The following TUBE1 variants were observed in gnomAD, a reference collection of about 807,000 sequenced individuals.
TUBE1 encodes tubulin epsilon 1.
In TUBE1, 34 loss-of-function variants were observed where a neutral mutation model predicts 53.5. The ratio of observed to expected loss-of-function variants is 0.64; its 90% CI spans 0.48 to 0.85. The LOEUF (loss-of-function observed/expected upper bound fraction) is 0.85, where lower values mean the gene tolerates loss of function less well. TUBE1 is among the 40% of genes least tolerant of loss of function. TUBE1 has a pLI of 0.00. For missense variants in TUBE1, 532 were observed against 570.5 expected (o/e 0.93, Z 0.69); for synonymous variants, 177 against 198.4 (o/e 0.89, Z 0.91).
chr6:112,072,326 T>C (rs1328177295), intron 10 of TUBE1, among the ~76,000 whole-genome samples: 1 of 152,146 alleles, frequency 6.6e-6, no homozygotes, highest in Non-Finnish European at 1.5e-5. Context: ...TAGAAACTCA[T>C]TCCTTAAGAG....
Position 112,079,694 on chromosome 6 carries a change from T to C in TUBE1, c.387A>G (p.Arg129=), listed in dbSNP as rs782143202. The C allele has an allele frequency of 1.7e-5, 27 of 1,612,272 alleles. No individual in the cohort carries two copies. Among genetic ancestry groups the C allele is most frequent in the African/African-American group, 8.0e-5 (6 of 74,772 alleles). Residue 129 remains arginine, a synonymous_variant, in exon 6 of 12, where the codon AGA becomes AGG. Coordinates refer to ENST00000368662, the MANE Select transcript of TUBE1 (RefSeq NM_016262.5). The part of the protein sequence containing the change: ...LYQDQILEKF[R]KSAEHCDCLQ... ...AGCAATCACAGTGCTCTGCCGACTT[T>C]CTGAATTTCTCTAAAATCTGGTCTT... is the stretch of plus-strand genomic sequence containing the variant.
chr6:112,072,112 C>A (rs1425568819), intron 10 of TUBE1, 36 bp from the exon 11 acceptor site: 3 of 1,511,462 alleles, frequency 2.0e-6, no homozygotes, highest in Non-Finnish European at 2.7e-6. Flanking sequence ...AAGGTGAGAA[C>A]TAAGGTACTA....
At position 112,076,475 on chromosome 6, in the gene TUBE1, C is replaced by T; in HGVS notation, c.483G>A (p.Lys161=). ...CTTCTGGGAATTCGTCTTCAAGCACCTTTAAAAGAAATGTGCCAAGTCCAG... is the reference window on the plus strand; with the variant it reads ...CTTCTGGGAATTCGTCTTCAAGCACTTTTAAAAGAAATGTGCCAAGTCCAG... ...TGSGLGTFLL[K]VLEDEFPEVY... Residue 161 remains lysine, a synonymous_variant, in exon 7 of 12, where the codon AAG becomes AAA. Transcript: ENST00000368662. 6.2e-7 allele frequency: 1 copy of T among 1,610,310 alleles called. No individual in the cohort carries two copies. Among genetic ancestry groups the T allele is most frequent in the Middle Eastern group, 1.7e-4 (1 of 6,016 alleles).
intron 1 of TUBE1, 39 bp from the exon 2 acceptor site, chr6:112,087,345 T>G (rs1777181906): frequency 6.4e-7 from 1 of 1,551,304 alleles, no homozygotes; most frequent in South Asian, 1.2e-5. Context: ...AATAGGACAT[T>G]AAGCAGGAAA....
intron 3 of TUBE1, among the ~76,000 whole-genome samples, chr6:112,084,882 T>C (rs1777123987): frequency 6.6e-6 from 1 of 152,212 alleles, no homozygotes; most frequent in South Asian, 2.1e-4. Context: ...GTTGCCAAAG[T>C]ACTAAAATCT....
In TUBE1 at chr6:112,071,883, A is replaced by C; in HGVS notation, c.1269+19T>G. ...AGCCAAAATAAACACATACAGTTAC[A>C]AAGCTGTACAATAATTACCTTTTTC... On this transcript the variant is annotated intron_variant, in intron 11 of 11. Transcript: ENST00000368662. 14 of 1,577,752 alleles carry C rather than the reference A, an allele frequency of 8.9e-6. No homozygotes were observed. The highest frequency in any genetic ancestry group is 1.2e-5 in the Non-Finnish European group (14 of 1,166,908).
rs797037415 is a variant in TUBE1 at position 112,081,814 on chromosome 6, G to GA, written c.211-608dup. ...ATTAATTATGGAAAAAAAAAAAACA[G>GA]AAAAAAAAAAAGATGAAGGACATCT... On this transcript the variant is annotated intron_variant, in intron 4 of 11. Coordinates refer to ENST00000368662, the MANE Select transcript of TUBE1 (RefSeq NM_016262.5). 6.3e-3 allele frequency among the ~76,000 whole-genome samples: 829 copies of GA among 132,228 alleles called. 6 individuals carry two copies. The highest frequency in any genetic ancestry group is 0.02 in the African/African-American group (723 of 36,150). The allele number at this position is 132,228 out of a possible 152,430, so 86.7% of individuals were successfully genotyped here. A position where few individuals can be genotyped will look rare whatever the true frequency, so the allele number is the denominator to read the frequency against.
intron 3 of TUBE1, among the ~76,000 whole-genome samples, chr6:112,085,997 G>A (rs1055382692): frequency 2.6e-5 from 4 of 152,188 alleles, no homozygotes; most frequent in African/African-American, 9.7e-5. Context: ...AGCCTGACAC[G>A]AAGTATGTAT....
In TUBE1 at chr6:112,072,822, G is replaced by A; in HGVS notation, c.1030C>T (p.Leu344Phe). 3 of 1,613,574 alleles carry A rather than the reference G, an allele frequency of 1.9e-6. No individual in the cohort carries two copies. The Admixed American group carries it at 5.0e-5, about 27-fold the overall frequency. ...CCTCTAACCATGAGTGCACAGGCGA[G>A]GTAAAGACTGTGTTTGGGGTCTGCC... ...LRADPKHSLY[L>F]ACALMVRGNV... The change falls in exon 10 of 12, where the codon CTC becomes TTC. Residue 344 changes from leucine to phenylalanine, a missense_variant. By Grantham distance (22) the Leu-to-Phe change is conservative. Coordinates refer to ENST00000368662, the MANE Select transcript of TUBE1 (RefSeq NM_016262.5).
chr6:112,084,934 A>AT (rs1777125050), intron 3 of TUBE1, among the ~76,000 whole-genome samples: 1 of 152,228 alleles, frequency 6.6e-6, no homozygotes. Flanking sequence ...ACAAGACGGA[A>AT]TATATGAAGG....
intron 4 of TUBE1, among the ~76,000 whole-genome samples, chr6:112,083,290 G>A (rs1415013692): frequency 2.0e-5 from 3 of 150,350 alleles, no homozygotes; most frequent in Non-Finnish European, 4.4e-5. Context: ...CACCAGGTCT[G>A]ATCCTTGGCA....
chr6:112,078,190 A>G (rs959184308), intron 6 of TUBE1: 1 of 152,054 alleles, frequency 6.6e-6, no homozygotes, highest in Admixed American at 6.5e-5. Context: ...AGGTAATATC[A>G]GCCAAAATTT....
intron 8 of TUBE1, chr6:112,075,664 T>C: frequency 3.9e-6 from 1 of 259,168 alleles, no homozygotes; most frequent in South Asian, 1.3e-4. Flanking sequence ...AAAAAATGTT[T>C]AATTTTGTCT....
intron 4 of TUBE1, among the ~76,000 whole-genome samples, chr6:112,081,847 C>T (rs782820850): frequency 6.7e-6 from 1 of 148,350 alleles, no homozygotes; most frequent in Non-Finnish European, 1.5e-5. Context: ...TCTAGTAAAA[C>T]GTAAAGCAGG....
At chr6:112,085,201 TAAG>T (rs1248500942) in intron 3 of TUBE1, 2 of 152,352 alleles carry the variant, frequency 1.3e-5, no homozygotes, top group African/African-American at 4.8e-5. Flanking sequence ...AAAAATTTGA[TAAG>T]AATAGTACAC....
chr6:112,074,845 G>T lies in TUBE1; in HGVS notation c.818C>A (p.Ala273Glu), dbSNP rs1554315803. Residue 273 changes from alanine (A) to glutamate (E), a missense_variant, in exon 9 of 12, where the codon GCA (alanine) becomes GAA (glutamate). Physicochemically the swap from Ala to Glu is moderately radical, Grantham distance 107. Transcript: ENST00000368662. The stretch of plus-strand genomic sequence containing the variant: ...CATATTAAGGGACCCTTCAAATCTT[G>T]CAGAGCTAAAAAGTTAACATTAAAA... ...ANLLLNLTSS[A>E]RFEGSLNMDL... 3 of 1,575,680 alleles carry T rather than the reference G, an allele frequency of 1.9e-6. No individual in the cohort carries two copies. Among genetic ancestry groups the T allele is most frequent in the Admixed American group, 2.0e-5 (1 of 50,542 alleles).
At chr6:112,085,545 A>T (rs1267583962) in intron 3 of TUBE1, 6 of 387,894 alleles carry the variant, frequency 1.5e-5, no homozygotes, top group African/African-American at 1.3e-4. Context: ...GACAGAAGCA[A>T]ATTTGAGTCT....
Position 112,070,893 on chromosome 6 carries a change from A to G in TUBE1, c.*519T>C, listed in dbSNP as rs1776844580. ...AAATTAGGATTCTTTTGGGCAAACA[A>G]GTTGTTATCTAAAGAAGAAGCAAAA... On this transcript the variant is annotated 3_prime_UTR_variant, in exon 12 of 12. Transcript: ENST00000368662. The G allele has an allele frequency of 6.6e-6, 1 of 152,180 alleles. No homozygotes were observed. Among genetic ancestry groups the G allele is most frequent in the East Asian group, 1.9e-4 (1 of 5,204 alleles). 9.4% of individuals were successfully genotyped at this position (152,180 alleles called of 1,614,324 possible).
At chr6:112,086,337 G>C (rs895011783) in intron 3 of TUBE1, among the ~76,000 whole-genome samples, 4 of 152,126 alleles carry the variant, frequency 2.6e-5, no homozygotes, top group African/African-American at 9.7e-5. Context: ...CTTATTTCAA[G>C]GTTAAGTTAA....
Sources: allele counts gnomAD v4.1 joint callset (sites outside exome capture counted in the v4.1 genomes callset), GRCh38; gene constraint gnomAD v4.1.1; transcripts MANE v1.5; gene names NCBI Gene and HGNC (gene_info 2026-07-23, HGNC 2026-07-21).